USP7: variants seen among roughly 807,000 people sequenced by gnomAD.
The protein encoded by USP7 is ubiquitin specific peptidase 7, also known as ubiquitin C-terminal hydrolase 7.
In USP7, 9 loss-of-function variants were observed where a neutral mutation model predicts 162.9. That is an observed-to-expected ratio of 0.06 (90% confidence interval 0.03 to 0.10). USP7 has a LOEUF of 0.10. Among genes scored for constraint, USP7 ranks in the 10% least tolerant of loss-of-function variants. The pLI is 1.00. For missense variants in USP7, 715 were observed against 1,373.7 expected, an observed-to-expected ratio of 0.52 and a Z score of 7.58; for synonymous variants, 562 against 475.9, an observed-to-expected ratio of 1.18 and a Z score of -2.35.
At chr16:8,958,091 A>G (rs763964508) in intron 1 of USP7, among the ~76,000 whole-genome samples, 1 of 152,214 alleles carries the variant, frequency 6.6e-6, no homozygotes, top group Non-Finnish European at 1.5e-5. Context: ...TCTCCCACAA[A>G]TAAATTTAAC....
At chr16:8,911,788 G>C (rs2061950678) in intron 10 of USP7, among the ~76,000 whole-genome samples, 1 of 152,216 alleles carries the variant, frequency 6.6e-6, no homozygotes, top group South Asian at 2.1e-4. Flanking sequence ...TTCCGAAGCT[G>C]TCAGTGAGAA....
rs191638481 is a variant in USP7 at position 8,923,024 on chromosome 16, G to A, written c.383+191C>T. ...GGTAGATTCTAACAAACTATTTTTAGTTTTTTCACTTACAAGATAAAAATA... is the reference window on the plus strand; with the variant it reads ...GGTAGATTCTAACAAACTATTTTTAATTTTTTCACTTACAAGATAAAAATA... On this transcript the variant is annotated intron_variant, in intron 3 of 30. Transcript: ENST00000344836. Among the ~76,000 whole-genome samples the A allele has an allele frequency of 1.3e-3, 196 of 152,236 alleles. 3 individuals carry two copies. The highest frequency in any genetic ancestry group is 2.8e-4 in the Non-Finnish European group (19 of 68,012).
chr16:8,916,437 A>G lies in USP7; in HGVS notation c.906+65T>C, dbSNP rs1431072552. On this transcript the variant is annotated intron_variant, in intron 8 of 30. Coordinates refer to ENST00000344836, the MANE Select transcript of USP7 (RefSeq NM_003470.3). Reference sequence around the variant, plus strand: ...ATTAGGTCTGAGGTTTTACTTGGTAATAACTTCTGACCATGCTTCAAAATA... The same window carrying G: ...ATTAGGTCTGAGGTTTTACTTGGTAGTAACTTCTGACCATGCTTCAAAATA... The G allele has an allele frequency of 5.9e-6, 9 of 1,528,886 alleles. No homozygotes were observed. In the African/African-American group the frequency reaches 7.0e-5, roughly 12 times the overall value. The allele number at this position is 1,528,886 out of a possible 1,614,324, so 94.7% of individuals were successfully genotyped here. A position where few individuals can be genotyped will look rare whatever the true frequency, so the allele number is the denominator to read the frequency against.
chr16:8,953,152 C>G (rs970814821), intron 1 of USP7, among the ~76,000 whole-genome samples: 9 of 152,082 alleles, frequency 5.9e-5, no homozygotes, highest in Non-Finnish European at 1.2e-4. Context: ...TCTTTTCACA[C>G]TCAGCTGTGT....
chr16:8,945,031 G>A (rs565858658), intron 1 of USP7, among the ~76,000 whole-genome samples: 1 of 152,262 alleles, frequency 6.6e-6, no homozygotes, highest in South Asian at 2.1e-4. Context: ...GCAGATGAAA[G>A]ACCTGAGGTC....
chr16:8,921,936 G>A (rs894006552), intron 3 of USP7, among the ~76,000 whole-genome samples: 2 of 152,170 alleles, frequency 1.3e-5, no homozygotes, highest in Admixed American at 1.3e-4. Flanking sequence ...CTGCAACTGA[G>A]CCCTGAAATG....
At chr16:8,898,470 C>T (rs763868487) in intron 24 of USP7, 33 bp from the exon 25 acceptor site, 21 of 1,606,620 alleles carry the variant, frequency 1.3e-5, no homozygotes, top group South Asian at 8.9e-5. Context: ...CATCAGATAC[C>T]GTCACCAAAA....
chr16:8,962,553 C>G (rs150262523), intron 1 of USP7: 2 of 428,476 alleles, frequency 4.7e-6, no homozygotes, highest in South Asian at 3.3e-5. Context: ...GCACACCTGG[C>G]CGGATGCTGG....
intron 1 of USP7, among the ~76,000 whole-genome samples, chr16:8,958,812 A>C (rs1010723831): frequency 3.3e-5 from 5 of 152,222 alleles, no homozygotes; most frequent in African/African-American, 1.2e-4. Context: ...CATACAGTGA[A>C]TCATTCTCAA....
At chr16:8,947,664 G>C (rs971225011) in intron 1 of USP7, among the ~76,000 whole-genome samples, 6 of 152,144 alleles carry the variant, frequency 3.9e-5, no homozygotes, top group African/African-American at 1.4e-4. Context: ...ATTTAAGGTT[G>C]GCCTTAATTT....
At position 8,897,074 on chromosome 16, in the gene USP7, T is replaced by C. The variant is rs777463630; in HGVS notation, c.2744A>G (p.His915Arg). The part of the protein sequence containing the change: ...EEEITLYPDK[H>R]GCVRDLLEEC... Reference sequence around the variant, plus strand: ...TTCTAACAGGTCCCGGACACACCCATGCTTGTCTGGATATAGTGTTATTTC... The same window carrying C: ...TTCTAACAGGTCCCGGACACACCCACGCTTGTCTGGATATAGTGTTATTTC... The change falls in exon 26 of 31, where the codon CAT becomes CGT. Residue 915 changes from histidine (H) to arginine (R), a missense_variant. By Grantham distance (29) the His-to-Arg change is conservative (BLOSUM62 0). Around this residue, in one of 11 missense-constraint regions of USP7, gnomAD observed 222 missense variants for 441.7 expected, o/e 0.50. Coordinates refer to ENST00000344836, the MANE Select transcript of USP7 (RefSeq NM_003470.3). 1 of 1,613,908 alleles carries C rather than the reference T, an allele frequency of 6.2e-7. No individual in the cohort carries two copies. Among genetic ancestry groups the C allele is most frequent in the Non-Finnish European group, 8.5e-7 (1 of 1,179,788 alleles).
chr16:8,942,274 T>C (rs550851684), intron 1 of USP7, among the ~76,000 whole-genome samples: 1 of 152,310 alleles, frequency 6.6e-6, no homozygotes, highest in East Asian at 1.9e-4. Flanking sequence ...TCGGAGTGAC[T>C]GGGATGCCCA....
intron 13 of USP7, 152 bp downstream of exon 13, chr16:8,906,274 A>G: frequency 4.9e-6 from 4 of 817,948 alleles, no homozygotes. Context: ...CAGCAATTAA[A>G]TGGATGGGAA....
chr16:8,936,606 C>A, intron 1 of USP7: 1 of 1,557,186 alleles, frequency 6.4e-7, no homozygotes, highest in South Asian at 1.2e-5. Flanking sequence ...CCTGTGGTTC[C>A]CAGCCATCTC....
intron 10 of USP7, 106 bp from the exon 11 acceptor site, chr16:8,910,933 G>A (rs996713688): frequency 1.1e-5 from 10 of 928,848 alleles, no homozygotes; most frequent in South Asian, 1.4e-5. Flanking sequence ...AGCAGAGAAG[G>A]TAAACAACAC....
intron 1 of USP7, among the ~76,000 whole-genome samples, chr16:8,958,755 G>A (rs867701590): frequency 6.6e-6 from 1 of 152,226 alleles, no homozygotes; most frequent in African/African-American, 2.4e-5. Flanking sequence ...CCACCAGGCT[G>A]ACTACAGCAT....
rs1288053117 is a variant in USP7 at position 8,893,710 on chromosome 16, T to G, written c.*288A>C. On this transcript the variant is annotated 3_prime_UTR_variant, in exon 31 of 31. Transcript: ENST00000344836. Reference sequence around the variant, plus strand: ...GAGACCTTGAGCCAGGGACCCCCGATCCACTAACCTCTTCTCCCCCATTGC... The same window carrying G: ...GAGACCTTGAGCCAGGGACCCCCGAGCCACTAACCTCTTCTCCCCCATTGC... 5.6e-6 allele frequency: 2 copies of G among 354,088 alleles called. No homozygotes were observed. The highest frequency in any genetic ancestry group is 4.2e-5 in the African/African-American group (2 of 47,952). The allele number at this position is 354,088 out of a possible 1,614,324, so 21.9% of individuals were successfully genotyped here. A position where few individuals can be genotyped will look rare whatever the true frequency, so the allele number is the denominator to read the frequency against.
At chr16:8,898,049 C>G (rs529167913) in intron 25 of USP7, among the ~76,000 whole-genome samples, 2 of 152,068 alleles carry the variant, frequency 1.3e-5, no homozygotes, top group Non-Finnish European at 2.9e-5. Flanking sequence ...GAGATCAGGC[C>G]GCGGCAGGAA....
rs1438385685 is a variant in USP7, at chr16:8,892,873, A to C, written c.*1125T>G. On this transcript the variant is annotated 3_prime_UTR_variant, in exon 31 of 31. Coordinates refer to ENST00000344836, the MANE Select transcript of USP7 (RefSeq NM_003470.3). ...TACACTGCTCCCACAGAAACAACCC[A>C]AAAAATACCGGAAAAGGATGAAAAA... The C allele has an allele frequency of 6.6e-6, 1 of 152,238 alleles. No individual in the cohort carries two copies. Among genetic ancestry groups the C allele is most frequent in the Non-Finnish European group, 1.5e-5 (1 of 68,040 alleles). 9.4% of individuals were successfully genotyped at this position (152,238 alleles called of 1,614,324 possible). A position where few individuals can be genotyped will look rare whatever the true frequency, so the allele number is the denominator to read the frequency against.
Sources: allele counts gnomAD v4.1 joint callset (sites outside exome capture counted in the v4.1 genomes callset), GRCh38; gene constraint gnomAD v4.1.1; regional missense constraint gnomAD v4.1.1; transcripts MANE v1.5; gene names NCBI Gene and HGNC (gene_info 2026-07-23, HGNC 2026-07-21).